The following DIAPH3 variants were observed in gnomAD, a reference collection of about 807,000 sequenced individuals.
DIAPH3 encodes protein diaphanous homolog 3.
DIAPH3 carries 117 observed loss-of-function variants against 144.3 expected under a neutral mutation model. That is an observed-to-expected ratio of 0.81 (90% CI 0.70 to 0.95). The LOEUF (loss-of-function observed/expected upper bound fraction) is 0.95, where lower values mean the gene tolerates loss of function less well. Among genes scored for constraint, DIAPH3 ranks in the 40% least tolerant of loss-of-function variants. The probability of loss-of-function intolerance (pLI) is 0.00; values close to 1 mark genes in which losing one functional copy is unlikely to be tolerated. For synonymous variants in DIAPH3, 519 were observed against 488.9 expected, an observed-to-expected ratio of 1.06 and a Z score of -0.81; for missense variants, 1,421 against 1,412.7, an observed-to-expected ratio of 1.01 and a Z score of -0.09.
At chr13:60,005,582 A>G (rs938390926) in intron 9 of DIAPH3, among the ~76,000 whole-genome samples, 3 of 152,002 alleles carry the variant, frequency 2.0e-5, no homozygotes, top group Non-Finnish European at 2.9e-5. Flanking sequence ...CTGGGTTCAC[A>G]CCATTCTCCT....
At chr13:59,769,328 G>A (rs982237783) in intron 27 of DIAPH3, among the ~76,000 whole-genome samples, 9 of 152,128 alleles carry the variant, frequency 5.9e-5, no homozygotes, top group South Asian at 2.1e-4. Flanking sequence ...TTCAACCTTC[G>A]TTGTATAGGC....
At chr13:60,119,229 C>T (rs2058772863) in intron 2 of DIAPH3, among the ~76,000 whole-genome samples, 1 of 152,140 alleles carries the variant, frequency 6.6e-6, no homozygotes, top group Non-Finnish European at 1.5e-5. Context: ...TCAAGAACTC[C>T]TAAGGGGAGG....
intron 2 of DIAPH3, among the ~76,000 whole-genome samples, chr13:60,128,872 T>C (rs1226518979): frequency 6.6e-6 from 1 of 152,180 alleles, no homozygotes; most frequent in East Asian, 1.9e-4. Context: ...AAATGTTAAA[T>C]ACTGGTTTTT....
chr13:60,059,619 T>C (rs1456003182), intron 4 of DIAPH3, among the ~76,000 whole-genome samples: 2 of 151,920 alleles, frequency 1.3e-5, no homozygotes, highest in Non-Finnish European at 2.9e-5. Context: ...AGTATACCTC[T>C]AGTATTGGAA....
intron 25 of DIAPH3, among the ~76,000 whole-genome samples, chr13:59,796,636 A>C (rs1279143453): frequency 2.0e-5 from 3 of 152,176 alleles, no homozygotes; most frequent in African/African-American, 4.8e-5. Context: ...CCCTAACTTC[A>C]CCATATCAGT....
chr13:60,115,093 A>G (rs888831823), intron 2 of DIAPH3, among the ~76,000 whole-genome samples: 2 of 152,344 alleles, frequency 1.3e-5, no homozygotes, highest in East Asian at 3.9e-4. Flanking sequence ...AAATCATAAG[A>G]AAGAAAAAAT....
At chr13:59,891,078 T>C (rs1472347203) in intron 20 of DIAPH3, among the ~76,000 whole-genome samples, 2 of 152,010 alleles carry the variant, frequency 1.3e-5, no homozygotes, top group African/African-American at 4.8e-5. Context: ...TTCCATTATG[T>C]TTCCAAAATA....
At chr13:60,080,931 A>G (rs1566748064) in intron 4 of DIAPH3, among the ~76,000 whole-genome samples, 3 of 152,002 alleles carry the variant, frequency 2.0e-5, no homozygotes, top group Non-Finnish European at 4.4e-5. Flanking sequence ...ATTTACATGG[A>G]GTACATCACT....
chr13:60,119,510 G>A (rs1245640289), intron 2 of DIAPH3, among the ~76,000 whole-genome samples: 1 of 151,998 alleles, frequency 6.6e-6, no homozygotes, highest in African/African-American at 2.4e-5. Context: ...CACTTTGGGA[G>A]GCCGAGGCGG....
At chr13:59,741,026 A>G (rs2036413665) in intron 27 of DIAPH3, among the ~76,000 whole-genome samples, 1 of 152,206 alleles carries the variant, frequency 6.6e-6, no homozygotes, top group Non-Finnish European at 1.5e-5. Context: ...AACCAAGGTG[A>G]CTAGTTATTT....
chr13:59,967,209 G>A (rs1483037171), intron 17 of DIAPH3, among the ~76,000 whole-genome samples: 5 of 151,922 alleles, frequency 3.3e-5, no homozygotes, highest in African/African-American at 1.2e-4. Flanking sequence ...TGGGACTACA[G>A]GTGTGCACCA....
intron 4 of DIAPH3, among the ~76,000 whole-genome samples, chr13:60,081,071 T>G (rs2057542795): frequency 6.6e-6 from 1 of 151,966 alleles, no homozygotes; most frequent in African/African-American, 2.4e-5. Flanking sequence ...GTGCTTGAAG[T>G]GATTTCCTGC....
intron 16 of DIAPH3, among the ~76,000 whole-genome samples, chr13:59,970,612 A>G (rs980023648): frequency 3.3e-5 from 5 of 152,170 alleles, no homozygotes; most frequent in African/African-American, 9.7e-5. Context: ...CACTGGAACA[A>G]CATCAACTCT....
At chr13:59,743,679 G>T (rs1231342776) in intron 27 of DIAPH3, among the ~76,000 whole-genome samples, 1 of 152,156 alleles carries the variant, frequency 6.6e-6, no homozygotes, top group Admixed American at 6.5e-5. Flanking sequence ...TAGCCCTTTT[G>T]ATTCTATGAC....
chr13:59,979,144 C>A (rs2050840653), intron 14 of DIAPH3, among the ~76,000 whole-genome samples: 1 of 151,586 alleles, frequency 6.6e-6, no homozygotes, highest in African/African-American at 2.4e-5. Context: ...TAATTTCTGA[C>A]TAAAAGGAGA....
At chr13:60,117,830 T>G (rs1455652833) in intron 2 of DIAPH3, among the ~76,000 whole-genome samples, 2 of 152,170 alleles carry the variant, frequency 1.3e-5, no homozygotes, top group African/African-American at 4.8e-5. Context: ...ATCTTGTATT[T>G]GGCAATTTGG....
chr13:60,069,278 C>T (rs556776308), intron 4 of DIAPH3, among the ~76,000 whole-genome samples: 85 of 152,156 alleles, frequency 5.6e-4, no homozygotes, highest in African/African-American at 1.8e-3. Flanking sequence ...TATTTGTATG[C>T]CTTCTTTTGA....
chr13:59,942,990 T>G (rs1331508707), intron 17 of DIAPH3, among the ~76,000 whole-genome samples: 2 of 152,210 alleles, frequency 1.3e-5, no homozygotes, highest in African/African-American at 2.4e-5. Flanking sequence ...CTATCAATAT[T>G]ACTAAAATAT....
intron 24 of DIAPH3, among the ~76,000 whole-genome samples, chr13:59,812,248 G>GCATGCATCCATC (rs1480099343): frequency 6.7e-6 from 1 of 150,022 alleles, no homozygotes; most frequent in Non-Finnish European, 1.5e-5. Flanking sequence ...ATGCATGCAT[G>GCATGCATCCATC]CATCCATCCA....
Sources: allele counts gnomAD v4.1 joint callset (sites outside exome capture counted in the v4.1 genomes callset), GRCh38; gene constraint gnomAD v4.1.1; transcripts MANE v1.5; gene names NCBI Gene and HGNC (gene_info 2026-07-23, HGNC 2026-07-21).